GSG1L: variants seen among roughly 807,000 people sequenced by gnomAD.
GSG1L encodes GSG1 like.
GSG1L carries 24 observed loss-of-function variants against 42.1 expected under a neutral mutation model. The ratio of observed to expected loss-of-function variants is 0.57; its 90% confidence interval spans 0.41 to 0.80. GSG1L has a LOEUF of 0.80. GSG1L is among the 30% of genes least tolerant of loss of function. The pLI is 0.00. For synonymous variants in GSG1L, 215 were observed against 203.5 expected, an observed-to-expected ratio of 1.06 and a Z score of -0.48; for missense variants, 445 against 472.2, an observed-to-expected ratio of 0.94 and a Z score of 0.53.
chr16:27,793,618 C>G (rs1178890388), intron 6 of GSG1L, among the ~76,000 whole-genome samples: 1 of 152,156 alleles, frequency 6.6e-6, no homozygotes, highest in African/African-American at 2.4e-5. Context: ...GAGAGATCAT[C>G]AGAACAGAAA....
chr16:27,910,874 G>A (rs1485488650), intron 2 of GSG1L, among the ~76,000 whole-genome samples: 7 of 152,108 alleles, frequency 4.6e-5, no homozygotes, highest in African/African-American at 9.7e-5. Flanking sequence ...CTTGCCAGGC[G>A]TGGTGGCATG....
intron 3 of GSG1L, among the ~76,000 whole-genome samples, chr16:27,873,634 A>C (rs1209903800): frequency 6.6e-6 from 1 of 152,232 alleles, no homozygotes; most frequent in African/African-American, 2.4e-5. Flanking sequence ...AAAACATCGC[A>C]AAATTCTGAA....
At chr16:27,819,520 C>T (rs750630406) in intron 5 of GSG1L, among the ~76,000 whole-genome samples, 11 of 152,124 alleles carry the variant, frequency 7.2e-5, no homozygotes, top group African/African-American at 2.2e-4. Flanking sequence ...GGAGAACAGA[C>T]GTGAGGATAC....
chr16:27,911,100 T>C (rs1208752317), intron 2 of GSG1L, among the ~76,000 whole-genome samples: 1 of 152,160 alleles, frequency 6.6e-6, no homozygotes, highest in East Asian at 1.9e-4. Context: ...TGGCACTCCC[T>C]GTAGTTCCTG....
intron 2 of GSG1L, among the ~76,000 whole-genome samples, chr16:27,889,347 C>G (rs183667853): frequency 6.6e-6 from 1 of 152,074 alleles, no homozygotes; most frequent in South Asian, 2.1e-4. Context: ...CGGGAGCATC[C>G]GTCTGAGAGT....
chr16:28,063,481 G>A lies in GSG1L; in HGVS notation c.-57C>T, dbSNP rs1038513901. ...GCCGGGGAGCTCCGCGCGCGAAGTT[G>A]GCAGCTGGCGCCCCGCGTCAGCGGC... On this transcript the variant is annotated 5_prime_UTR_variant, in exon 1 of 7. Coordinates refer to ENST00000447459, the MANE Select transcript of GSG1L (RefSeq NM_001109763.2). This position sits in a 1 kb window ranked among gnomAD's most constrained non-coding sequence, Gnocchi z 5.8. 7.0e-5 allele frequency: 76 copies of A among 1,079,610 alleles called. No individual in the cohort carries two copies. Among genetic ancestry groups the A allele is most frequent in the Non-Finnish European group, 8.2e-5 (72 of 877,260 alleles). 66.9% of individuals were successfully genotyped at this position (1,079,610 alleles called of 1,614,324 possible). A position where few individuals can be genotyped will look rare whatever the true frequency, so the allele number is the denominator to read the frequency against.
chr16:27,920,869 G>A (rs2084516426), intron 2 of GSG1L, among the ~76,000 whole-genome samples: 1 of 152,222 alleles, frequency 6.6e-6, no homozygotes, highest in African/African-American at 2.4e-5. Flanking sequence ...CAGTGGCCAA[G>A]AGCAGAGAAT....
At chr16:27,793,328 GT>G (rs1258383538) in intron 6 of GSG1L, among the ~76,000 whole-genome samples, 1 of 152,080 alleles carries the variant, frequency 6.6e-6, no homozygotes. Context: ...TAATGTTAGT[GT>G]TTTGCAAGTT....
intron 6 of GSG1L, among the ~76,000 whole-genome samples, chr16:27,797,619 G>A (rs537085321): frequency 6.7e-4 from 102 of 151,314 alleles, no homozygotes; most frequent in Non-Finnish European, 1.0e-3. Flanking sequence ...TCAGGAGATC[G>A]AGACCATCCT....
At chr16:28,006,736 A>G (rs982751710) in intron 1 of GSG1L, among the ~76,000 whole-genome samples, 1 of 152,174 alleles carries the variant, frequency 6.6e-6, no homozygotes, top group Admixed American at 6.5e-5. Flanking sequence ...CCCACAGAAA[A>G]CTAATACATT....
intron 1 of GSG1L, among the ~76,000 whole-genome samples, chr16:28,053,387 T>G (rs143937359): frequency 1.2e-3 from 189 of 152,306 alleles, no homozygotes; most frequent in African/African-American, 4.2e-3. Flanking sequence ...TTGGGCAACA[T>G]GAAGAGGGGT....
chr16:28,006,511 G>A (rs1282741806), intron 1 of GSG1L, among the ~76,000 whole-genome samples: 1 of 151,964 alleles, frequency 6.6e-6, no homozygotes, highest in Non-Finnish European at 1.5e-5. Flanking sequence ...GTTTCACCAT[G>A]TTGGCCAGGC....
At chr16:28,052,486 T>C (rs1484119232) in intron 1 of GSG1L, among the ~76,000 whole-genome samples, 3 of 152,032 alleles carry the variant, frequency 2.0e-5, no homozygotes, top group South Asian at 2.1e-4. Context: ...CTTGAAAAGG[T>C]AGACATGGCC....
chr16:27,877,205 A>G (rs9889222), intron 3 of GSG1L, among the ~76,000 whole-genome samples: 73,719 of 151,778 alleles, frequency 0.49, 18,781 homozygotes, highest in African/African-American at 0.63. Flanking sequence ...GGGGGAGTGG[A>G]GACATGGGCA....
intron 2 of GSG1L, among the ~76,000 whole-genome samples, 191 bp downstream of exon 2, chr16:27,962,965 C>T (rs2085086940): frequency 6.6e-6 from 1 of 152,218 alleles, no homozygotes; most frequent in African/African-American, 2.4e-5. Context: ...AGTCCCCATC[C>T]ACCAGCCTCT....
intron 1 of GSG1L, among the ~76,000 whole-genome samples, chr16:28,011,458 G>A (rs549712168): frequency 7.9e-5 from 12 of 152,356 alleles, no homozygotes; most frequent in African/African-American, 1.7e-4. Context: ...TGTGAGGACC[G>A]TGATGAACTG....
intron 2 of GSG1L, among the ~76,000 whole-genome samples, chr16:27,910,911 G>T (rs796547292): frequency 1.2e-4 from 18 of 152,306 alleles, no homozygotes; most frequent in African/African-American, 4.3e-4. Context: ...AACTCGGGAG[G>T]CTGAGGCAGG....
chr16:28,056,535 G>A (rs1206500166), intron 1 of GSG1L, among the ~76,000 whole-genome samples: 1 of 101,346 alleles, frequency 9.9e-6, no homozygotes, highest in Non-Finnish European at 2.5e-5. Context: ...GAGTTAATGG[G>A]TGCAGCACAC....
At chr16:27,857,140 G>A (rs1596560237) in intron 3 of GSG1L, among the ~76,000 whole-genome samples, 1 of 152,266 alleles carries the variant, frequency 6.6e-6, no homozygotes, top group Non-Finnish European at 1.5e-5. Flanking sequence ...GAAAGGCATG[G>A]GGGTGGCCAG....
Sources: gnomAD v4.1 joint callset for allele counts (sites outside exome capture counted in the v4.1 genomes callset) on GRCh38, gnomAD v4.1.1 for gene constraint, Gnocchi (gnomAD v3.1) non-coding constraint, MANE v1.5 for transcripts, NCBI Gene and HGNC (gene_info 2026-07-23, HGNC 2026-07-21) for gene names.